Variants in LRRTM4 observed in about 807,000 individuals in gnomAD.
LRRTM4 encodes leucine rich repeat transmembrane neuronal 4.
LRRTM4 carries 25 observed loss-of-function variants against 47.6 expected under a neutral mutation model. The observed-to-expected ratio is 0.53, with a 90% CI of 0.38 to 0.73. The LOEUF is 0.73. LRRTM4 is among the 30% of genes least tolerant of loss of function. The pLI is 0.00. For synonymous variants in LRRTM4, 311 were observed against 269.5 expected, an observed-to-expected ratio of 1.15 and a Z score of -1.51; for missense variants, 638 against 713.4, an observed-to-expected ratio of 0.89 and a Z score of 1.20.
chr2:77,481,659 T>C (rs1480159010), intron 3 of LRRTM4, among the ~76,000 whole-genome samples: 3 of 152,220 alleles, frequency 2.0e-5, no homozygotes, highest in African/African-American at 7.2e-5. Flanking sequence ...TCTCCTTCTA[T>C]GTTCTTTGCT....
intron 3 of LRRTM4, among the ~76,000 whole-genome samples, chr2:77,176,046 G>C (rs780045903): frequency 6.6e-6 from 1 of 151,638 alleles, no homozygotes; most frequent in Non-Finnish European, 1.5e-5. Context: ...TGGTTACTTG[G>C]GTTGATATAA....
chr2:77,036,000 T>G (rs1441709026), intron 3 of LRRTM4, among the ~76,000 whole-genome samples: 1 of 151,484 alleles, frequency 6.6e-6, no homozygotes, highest in African/African-American at 2.4e-5. Flanking sequence ...AGAATTTGTT[T>G]GGATCTTTAA....
chr2:77,473,012 T>C (rs1432969219), intron 3 of LRRTM4, among the ~76,000 whole-genome samples: 1 of 152,128 alleles, frequency 6.6e-6, no homozygotes, highest in African/African-American at 2.4e-5. Flanking sequence ...GCTAAATAGA[T>C]ACATACAAAA....
chr2:77,087,226 G>C (rs1185886259), intron 3 of LRRTM4, among the ~76,000 whole-genome samples: 1 of 152,102 alleles, frequency 6.6e-6, no homozygotes, highest in Non-Finnish European at 1.5e-5. Context: ...CAATCAAGCT[G>C]AATTCTGAAA....
chr2:77,187,237 T>G (rs1673536674), intron 3 of LRRTM4, among the ~76,000 whole-genome samples: 1 of 152,114 alleles, frequency 6.6e-6, no homozygotes, highest in African/African-American at 2.4e-5. Context: ...TGCTACAAAG[T>G]TCCTTGTGAG....
At chr2:77,162,329 G>A (rs1014729308) in intron 3 of LRRTM4, among the ~76,000 whole-genome samples, 6 of 152,190 alleles carry the variant, frequency 3.9e-5, no homozygotes, top group Non-Finnish European at 5.9e-5. Flanking sequence ...CAGGAATCTC[G>A]AATTGGGTGG....
At chr2:77,146,075 A>T (rs937325672) in intron 3 of LRRTM4, among the ~76,000 whole-genome samples, 1 of 152,080 alleles carries the variant, frequency 6.6e-6, no homozygotes, top group South Asian at 2.1e-4. Context: ...TCTGTTGATG[A>T]TATATATTTT....
intron 3 of LRRTM4, among the ~76,000 whole-genome samples, chr2:76,770,484 C>G (rs1362750372): frequency 6.6e-6 from 1 of 152,102 alleles, no homozygotes; most frequent in Non-Finnish European, 1.5e-5. Context: ...CTATGTAACC[C>G]CCAGCCACCT....
intron 3 of LRRTM4, among the ~76,000 whole-genome samples, chr2:77,447,974 A>G (rs191400046): frequency 3.9e-5 from 6 of 152,306 alleles, no homozygotes; most frequent in African/African-American, 1.4e-4. Context: ...TTTTTATATA[A>G]AAAGCAGAGA....
intron 3 of LRRTM4, among the ~76,000 whole-genome samples, chr2:76,757,908 A>G (rs1343773159): frequency 1.3e-5 from 2 of 152,266 alleles, no homozygotes; most frequent in East Asian, 1.9e-4. Context: ...AATTTAAGAT[A>G]TGTTTGTTTT....
rs1505225 is a variant in LRRTM4 at position 77,325,735 on chromosome 2, T to C, written c.1551+192583A>G. Reference sequence around the variant, plus strand: ...TCACAGCTTTCAGTTCTTTGTACTATGTATCGGAAAAAAGATGTGTGAAAG... The same window carrying C: ...TCACAGCTTTCAGTTCTTTGTACTACGTATCGGAAAAAAGATGTGTGAAAG... On this transcript the variant is annotated intron_variant, in intron 3 of 3. Transcript: ENST00000409884. Among the ~76,000 whole-genome samples the C allele has an allele frequency of 9.8e-3, 1,487 of 152,262 alleles. 31 individuals are homozygous for C. The highest frequency in any genetic ancestry group is 0.034 in the African/African-American group (1,420 of 41,558).
chr2:76,919,138 G>A (rs541398696), intron 3 of LRRTM4, among the ~76,000 whole-genome samples: 40 of 152,258 alleles, frequency 2.6e-4, no homozygotes, highest in African/African-American at 8.4e-4. Context: ...TTGCCAACCA[G>A]GGAAATTCAC....
At chr2:77,223,553 T>C (rs1369496452) in intron 3 of LRRTM4, among the ~76,000 whole-genome samples, 1 of 152,166 alleles carries the variant, frequency 6.6e-6, no homozygotes, top group African/African-American at 2.4e-5. Context: ...CAAGCATTCT[T>C]ATACAACAAT....
intron 3 of LRRTM4, among the ~76,000 whole-genome samples, chr2:76,926,563 T>C (rs1674595950): frequency 6.6e-6 from 1 of 152,144 alleles, no homozygotes; most frequent in African/African-American, 2.4e-5. Context: ...CTGGGGGCTT[T>C]ATTAGTGGTG....
chr2:77,082,078 CTT>C (rs1680551757), intron 3 of LRRTM4, among the ~76,000 whole-genome samples: 1 of 152,048 alleles, frequency 6.6e-6, no homozygotes, highest in East Asian at 1.9e-4. Context: ...GCTTATTTAA[CTT>C]TTTCTATCTT....
chr2:77,173,961 A>C (rs889495542), intron 3 of LRRTM4, among the ~76,000 whole-genome samples: 11 of 152,282 alleles, frequency 7.2e-5, no homozygotes, highest in Admixed American at 2.6e-4. Context: ...TTGGCTGTTT[A>C]CCTACTTAGA....
At chr2:77,311,217 T>A (rs1377089504) in intron 3 of LRRTM4, among the ~76,000 whole-genome samples, 2 of 152,102 alleles carry the variant, frequency 1.3e-5, no homozygotes, top group East Asian at 3.9e-4. Flanking sequence ...TAAGCAGAGG[T>A]TTGCAAATGT....
intron 3 of LRRTM4, among the ~76,000 whole-genome samples, chr2:77,023,319 C>G (rs1202139039): frequency 6.6e-6 from 1 of 152,116 alleles, no homozygotes. Flanking sequence ...GGAGAGGCTG[C>G]CGCAAAGGTC....
intron 3 of LRRTM4, among the ~76,000 whole-genome samples, chr2:77,195,172 T>C (rs1227264287): frequency 1.3e-5 from 2 of 151,902 alleles, no homozygotes; most frequent in African/African-American, 2.4e-5. Flanking sequence ...AATAAACATA[T>C]CTATATAATT....
Sources: gnomAD v4.1 joint callset for allele counts (sites outside exome capture counted in the v4.1 genomes callset) on GRCh38, gnomAD v4.1.1 for gene constraint, MANE v1.5 for transcripts, NCBI Gene and HGNC (gene_info 2026-07-23, HGNC 2026-07-21) for gene names.